The following LRRFIP1 variants were observed in gnomAD, a reference collection of about 807,000 sequenced individuals.
The protein encoded by LRRFIP1 is leucine-rich repeat flightless-interacting protein 1.
Under a neutral mutation model 104.4 loss-of-function variants are expected in LRRFIP1, and 62 were observed. That is an observed-to-expected ratio of 0.59 (90% CI 0.48 to 0.73). The LOEUF is 0.73. LRRFIP1 is among the 30% of genes least tolerant of loss of function. The pLI, the probability that LRRFIP1 is intolerant of heterozygous loss-of-function variation, is 0.00. For synonymous variants in LRRFIP1, 300 were observed against 299.0 expected, an observed-to-expected ratio of 1.00 and a Z score of -0.03; for missense variants, 796 against 824.5, an observed-to-expected ratio of 0.97 and a Z score of 0.42.
chr2:237,679,361 T>C (rs1014260286), intron 1 of LRRFIP1, among the ~76,000 whole-genome samples: 10 of 152,186 alleles, frequency 6.6e-5, no homozygotes, highest in African/African-American at 2.2e-4. Context: ...ATTTCTCTAA[T>C]TGTAGAGTAA....
Position 237,727,908 on chromosome 2 carries a change from A to G in LRRFIP1, c.417A>G (p.Ser139=), listed in dbSNP as rs2094827949. ...TNGYDGELYG[S]QSLNRRSGRP... ...GTTATGATGGAGAATTGTATGGATC[A>G]CAGTCCCTGAATAGAAGATCTGGCA... Residue 139 remains serine (S), a synonymous_variant, in exon 8 of 24, where the codon TCA becomes TCG. Transcript: ENST00000308482. 1.5e-5 allele frequency: 24 copies of G among 1,612,184 alleles called. No homozygotes were observed. The highest frequency in any genetic ancestry group is 2.0e-5 in the Non-Finnish European group (24 of 1,179,176).
At chr2:237,728,229 G>A (rs1249455565) in intron 8 of LRRFIP1, among the ~76,000 whole-genome samples, 1 of 152,150 alleles carries the variant, frequency 6.6e-6, no homozygotes, top group Non-Finnish European at 1.5e-5. Flanking sequence ...TTTCATTACT[G>A]TATTCCCCTG....
intron 1 of LRRFIP1, among the ~76,000 whole-genome samples, chr2:237,695,927 G>C (rs1375525182): frequency 2.0e-5 from 3 of 151,952 alleles, no homozygotes; most frequent in African/African-American, 7.3e-5. Context: ...TTTGATTATA[G>C]ACCAGTAGTA....
intron 17 of LRRFIP1, 42 bp downstream of exon 17, chr2:237,757,590 C>T (rs1184667223): frequency 7.6e-6 from 11 of 1,439,008 alleles, no homozygotes; most frequent in East Asian, 2.5e-5. Flanking sequence ...AATGGGCAGC[C>T]TGCTTAGCAA....
At chr2:237,693,257 T>G (rs1160818549) in intron 1 of LRRFIP1, among the ~76,000 whole-genome samples, 1 of 152,250 alleles carries the variant, frequency 6.6e-6, no homozygotes, top group East Asian at 1.9e-4. Flanking sequence ...AGCTTTCCAC[T>G]TAATCAGGTG....
intron 1 of LRRFIP1, among the ~76,000 whole-genome samples, chr2:237,688,883 G>C (rs149181853): frequency 6.6e-6 from 1 of 152,152 alleles, no homozygotes; most frequent in Non-Finnish European, 1.5e-5. Context: ...GCCATCTTTA[G>C]AGCTGTGAGT....
At chr2:237,654,947 T>A (rs1456687544) in intron 1 of LRRFIP1, among the ~76,000 whole-genome samples, 1 of 151,838 alleles carries the variant, frequency 6.6e-6, no homozygotes, top group Admixed American at 6.6e-5. Context: ...GATGAATAGA[T>A]AAAGAAAATG....
chr2:237,762,909 A>G (rs138673610), intron 19 of LRRFIP1: 16 of 1,614,108 alleles, frequency 9.9e-6, no homozygotes, highest in Non-Finnish European at 1.4e-5. Flanking sequence ...GCACCAGATG[A>G]CAGGACCAGA....
chr2:237,756,104 A>C lies in LRRFIP1; in HGVS notation c.1048A>C (p.Arg350=), dbSNP rs1307229238. 1 of 1,613,048 alleles carries C rather than the reference A, an allele frequency of 6.2e-7. No homozygotes were observed. Residue 350 remains arginine, a synonymous_variant, in exon 16 of 24, where the codon AGG becomes CGG. Transcript: ENST00000308482. The part of the protein sequence containing the change: ...QYEEKNKEFE[R]EKHAHSILQF... ...TTTTTCTCCTTTACAGGAATTTGAA[A>C]GGGAAAAACACGCCCACAGTATACT...
At chr2:237,748,496 C>G in intron 12 of LRRFIP1, 97 bp downstream of exon 12, 1 of 1,168,914 alleles carries the variant, frequency 8.6e-7, no homozygotes, top group Non-Finnish European at 1.2e-6. Context: ...GGATGTTCCC[C>G]AGCGAGGGAA....
At chr2:237,632,598 T>C (rs1170263884) in intron 1 of LRRFIP1, among the ~76,000 whole-genome samples, 1 of 152,240 alleles carries the variant, frequency 6.6e-6, no homozygotes, top group South Asian at 2.1e-4. Context: ...CCTTCCCAAA[T>C]AGCCCTCCTA....
chr2:237,710,461 A>G (rs1455583499), intron 2 of LRRFIP1, among the ~76,000 whole-genome samples: 1 of 151,500 alleles, frequency 6.6e-6, no homozygotes, highest in Middle Eastern at 3.2e-3. Flanking sequence ...TTTTTTTGTC[A>G]TTTTTAGTAG....
intron 7 of LRRFIP1, among the ~76,000 whole-genome samples, chr2:237,726,237 T>C (rs915048368): frequency 6.6e-6 from 1 of 152,234 alleles, no homozygotes; most frequent in African/African-American, 2.4e-5. Context: ...TACACTCCTT[T>C]TGTTTCAGAA....
At chr2:237,758,967 T>C (rs2059584634) in intron 18 of LRRFIP1, 146 bp downstream of exon 18, 4 of 562,554 alleles carry the variant, frequency 7.1e-6, no homozygotes, top group Admixed American at 3.4e-5. Context: ...TTGGGTTAAC[T>C]GACAGCGATG....
At position 237,776,085 on chromosome 2, in the gene LRRFIP1, C is replaced by T. The variant is rs536107431; in HGVS notation, c.1812+1623C>T. ...GTTCAAGCCTCCCACCTCAGCCTCT[C>T]GAGTAGCCGGAAATACAGGCACCCA... On this transcript the variant is annotated intron_variant, in intron 23 of 23. Transcript: ENST00000308482. Among the ~76,000 whole-genome samples the T allele has an allele frequency of 7.2e-5, 11 of 152,180 alleles. No individual in the cohort carries two copies. The East Asian group carries it at 7.7e-4, about 11-fold the overall frequency.
intron 7 of LRRFIP1, among the ~76,000 whole-genome samples, chr2:237,727,355 CAAA>C (rs35562237): frequency 1.8e-4 from 15 of 84,704 alleles, no homozygotes; most frequent in Admixed American, 2.5e-4. Context: ...GACTCTGTCT[CAAA>C]AAAAAAAAAA....
chr2:237,774,116 AC>A, intron 22 of LRRFIP1: 2 of 477,832 alleles, frequency 4.2e-6, no homozygotes, highest in Non-Finnish European at 3.8e-6. Context: ...TGCAGAAACC[AC>A]CCTGGTGGAC....
chr2:237,686,569 A>G (rs1385854303), intron 1 of LRRFIP1, among the ~76,000 whole-genome samples: 1 of 152,130 alleles, frequency 6.6e-6, no homozygotes, highest in Admixed American at 6.5e-5. Flanking sequence ...TAATCGGGAG[A>G]GCCCATTCAT....
At chr2:237,725,907 G>C (rs1003497373) in intron 7 of LRRFIP1, among the ~76,000 whole-genome samples, 5 of 152,198 alleles carry the variant, frequency 3.3e-5, no homozygotes, top group African/African-American at 1.2e-4. Context: ...AGAGCCAGAG[G>C]CCTTGCTTAT....
Sources: allele counts gnomAD v4.1 joint callset (sites outside exome capture counted in the v4.1 genomes callset), GRCh38; gene constraint gnomAD v4.1.1; transcripts MANE v1.5; gene names NCBI Gene and HGNC (gene_info 2026-07-23, HGNC 2026-07-21).